Variants in ELL2 observed in about 807,000 individuals in gnomAD.
The protein encoded by ELL2 is RNA polymerase II elongation factor ELL2.
Under a neutral mutation model 72.8 loss-of-function variants are expected in ELL2, and 21 were observed. The observed-to-expected ratio is 0.29, with a 90% CI of 0.20 to 0.42. The LOEUF (loss-of-function observed/expected upper bound fraction) is 0.42. ELL2 is among the 10% of genes least tolerant of loss of function. The probability of loss-of-function intolerance (pLI) is 1.00; values close to 1 mark genes in which losing one functional copy is unlikely to be tolerated. For synonymous variants in ELL2, 266 were observed against 283.2 expected, an observed-to-expected ratio of 0.94 and a Z score of 0.61; for missense variants, 568 against 772.8, an observed-to-expected ratio of 0.73 and a Z score of 3.14.
intron 2 of ELL2, among the ~76,000 whole-genome samples, chr5:95,927,533 G>A (rs1369767490): frequency 1.1e-4 from 3 of 26,284 alleles, no homozygotes; most frequent in Admixed American, 2.7e-4. Context: ...ATACACACAC[G>A]TGTGTATATA....
chr5:95,914,614 GA>G (rs1428769928), intron 3 of ELL2, among the ~76,000 whole-genome samples: 2 of 152,134 alleles, frequency 1.3e-5, no homozygotes, highest in African/African-American at 4.8e-5. Context: ...AACACTTTGG[GA>G]GGCCAAGGCA....
At chr5:95,904,618 T>A (rs1029729521) in intron 5 of ELL2, among the ~76,000 whole-genome samples, 1 of 152,248 alleles carries the variant, frequency 6.6e-6, no homozygotes, top group African/African-American at 2.4e-5. Context: ...AAGCAAATTA[T>A]CTCTACTGGC....
chr5:95,927,015 G>C (rs1750305881), intron 2 of ELL2, among the ~76,000 whole-genome samples: 1 of 152,044 alleles, frequency 6.6e-6, no homozygotes, highest in Non-Finnish European at 1.5e-5. Flanking sequence ...AGTGTTTCTG[G>C]TAAGATGACA....
chr5:95,942,349 ATAAT>A, intron 2 of ELL2, among the ~76,000 whole-genome samples: 1 of 152,248 alleles, frequency 6.6e-6, no homozygotes, highest in Non-Finnish European at 1.5e-5. Flanking sequence ...AGCAAAAAGA[ATAAT>A]TGAGTCTACT....
chr5:95,917,840 T>C (rs1749879999), intron 3 of ELL2, among the ~76,000 whole-genome samples: 1 of 152,192 alleles, frequency 6.6e-6, no homozygotes, highest in South Asian at 2.1e-4. Flanking sequence ...ATATGAATGC[T>C]TTTGAAGAGA....
intron 1 of ELL2, among the ~76,000 whole-genome samples, chr5:95,947,975 A>G (rs1014641097): frequency 2.0e-5 from 3 of 152,186 alleles, no homozygotes; most frequent in African/African-American, 7.2e-5. Context: ...GAATAGTTGT[A>G]TGTACTTATC....
At chr5:95,933,477 G>A (rs1266851077) in intron 2 of ELL2, among the ~76,000 whole-genome samples, 2 of 152,028 alleles carry the variant, frequency 1.3e-5, no homozygotes, top group Non-Finnish European at 2.9e-5. Context: ...ATAGGAAAAT[G>A]CTCATGATAC....
At chr5:95,889,796 A>G (rs1413783195) in intron 10 of ELL2, among the ~76,000 whole-genome samples, 1 of 150,964 alleles carries the variant, frequency 6.6e-6, no homozygotes, top group Non-Finnish European at 1.5e-5. Context: ...ATTTTATACC[A>G]TGTGTACATA....
chr5:95,906,011 A>G (rs1411437071), intron 5 of ELL2, among the ~76,000 whole-genome samples: 1 of 152,180 alleles, frequency 6.6e-6, no homozygotes, highest in Non-Finnish European at 1.5e-5. Flanking sequence ...TTACAATTTC[A>G]TATGCTTTTA....
intron 2 of ELL2, among the ~76,000 whole-genome samples, chr5:95,938,336 T>C (rs985758987): frequency 3.3e-5 from 5 of 152,214 alleles, no homozygotes; most frequent in African/African-American, 1.2e-4. Context: ...CTGGGAAAAG[T>C]GTGTGTGACT....
intron 4 of ELL2, among the ~76,000 whole-genome samples, chr5:95,912,363 T>C (rs1447415487): frequency 6.6e-6 from 1 of 152,248 alleles, no homozygotes; most frequent in African/African-American, 2.4e-5. Context: ...GGTTTCAGTC[T>C]TCTATTCCTT....
intron 2 of ELL2, among the ~76,000 whole-genome samples, chr5:95,930,875 AGTGT>A (rs891804280): frequency 1.3e-4 from 20 of 151,862 alleles, no homozygotes; most frequent in Admixed American, 1.3e-3. Context: ...ACATTACAAA[AGTGT>A]GTGTGTAAAA....
At chr5:95,908,294 T>TC (rs1411289167) in intron 4 of ELL2, among the ~76,000 whole-genome samples, 1 of 152,178 alleles carries the variant, frequency 6.6e-6, no homozygotes, top group East Asian at 1.9e-4. Flanking sequence ...GCAGGTACCG[T>TC]CCCCTTTCAC....
intron 3 of ELL2, among the ~76,000 whole-genome samples, chr5:95,916,215 C>T (rs891452882): frequency 6.6e-6 from 1 of 151,824 alleles, no homozygotes; most frequent in Non-Finnish European, 1.5e-5. Context: ...AAGATCATGC[C>T]CAGGTCACGA....
intron 3 of ELL2, among the ~76,000 whole-genome samples, chr5:95,915,609 GA>G (rs201878001): frequency 0.012 from 1,883 of 152,260 alleles, 39 homozygotes; most frequent in African/African-American, 0.043. Flanking sequence ...GGACAAACTG[GA>G]AATCATAACA....
In ELL2 at chr5:95,906,592, T is replaced by C. The variant is rs1044348047; in HGVS notation, c.672A>G (p.Leu224=). ...CACCATCTTTCTGGAGTCTAGCAAGTAGCTCCGGTTTCTTGTAGGCCTTCA... is the reference window on the plus strand; with the variant it reads ...CACCATCTTTCTGGAGTCTAGCAAGCAGCTCCGGTTTCTTGTAGGCCTTCA... ...LALKAYKKPE[L]LARLQKDGVN... Residue 224 remains leucine, a synonymous_variant, in exon 5 of 12, where the codon CTA becomes CTG. Transcript: ENST00000237853. The C allele has an allele frequency of 3.1e-6, 5 of 1,614,032 alleles. No homozygotes were observed. The African/African-American group carries it at 6.7e-5, about 22-fold the overall frequency.
chr5:95,956,716 G>A (rs1751641036), intron 1 of ELL2, among the ~76,000 whole-genome samples: 1 of 152,080 alleles, frequency 6.6e-6, no homozygotes, highest in African/African-American at 2.4e-5. Flanking sequence ...ATAAGGCAAG[G>A]AAGTCACTTA....
intron 2 of ELL2, among the ~76,000 whole-genome samples, chr5:95,927,106 T>G (rs1490816785): frequency 2.0e-5 from 3 of 152,076 alleles, no homozygotes; most frequent in African/African-American, 7.2e-5. Flanking sequence ...CTGTTTAGGT[T>G]TCTATGACAT....
intron 10 of ELL2, among the ~76,000 whole-genome samples, chr5:95,890,649 A>C (rs1748625539): frequency 6.6e-6 from 1 of 152,102 alleles, no homozygotes. Flanking sequence ...TTAAACCCCA[A>C]ATCTCTGTGT....
Sources: gnomAD v4.1 joint callset for allele counts (sites outside exome capture counted in the v4.1 genomes callset) on GRCh38, gnomAD v4.1.1 for gene constraint, MANE v1.5 for transcripts, NCBI Gene and HGNC (gene_info 2026-07-23, HGNC 2026-07-21) for gene names.